The following RGS7 variants were observed in gnomAD, a reference collection of about 807,000 sequenced individuals.
RGS7 encodes the protein regulator of G protein signaling 7.
In RGS7, 27 loss-of-function variants were observed where a neutral mutation model predicts 81.1. That is an observed-to-expected ratio of 0.33 (90% CI 0.25 to 0.46). The LOEUF (loss-of-function observed/expected upper bound fraction) is 0.46, where lower values mean the gene tolerates loss of function less well. Among genes scored for constraint, RGS7 ranks in the 20% least tolerant of loss-of-function variants. The pLI, the probability that RGS7 is intolerant of heterozygous loss-of-function variation, is 1.00. For synonymous variants in RGS7, 208 were observed against 207.7 expected (o/e 1.00, Z -0.01); for missense variants, 396 against 607.4 (o/e 0.65, Z 3.66).
intron 6 of RGS7, among the ~76,000 whole-genome samples, chr1:240,905,542 C>T (rs1363069219): frequency 1.3e-5 from 2 of 152,180 alleles, no homozygotes; most frequent in East Asian, 3.9e-4. Context: ...AAGTCATTGA[C>T]ACAAGGTGTT....
intron 2 of RGS7, among the ~76,000 whole-genome samples, chr1:241,248,411 T>A (rs376946043): frequency 6.7e-6 from 1 of 148,194 alleles, no homozygotes; most frequent in African/African-American, 2.5e-5. Flanking sequence ...TATATATATA[T>A]ACATATATAT....
At chr1:240,857,516 T>TA (rs1389857172) in intron 9 of RGS7, among the ~76,000 whole-genome samples, 1 of 152,088 alleles carries the variant, frequency 6.6e-6, no homozygotes, top group African/African-American at 2.4e-5. Flanking sequence ...TTCACTGTCC[T>TA]AAAAATCTGT....
chr1:240,907,095 C>A (rs986682081), intron 6 of RGS7, among the ~76,000 whole-genome samples: 13 of 152,062 alleles, frequency 8.5e-5, no homozygotes, highest in Non-Finnish European at 4.4e-5. Flanking sequence ...CTCACCTTTA[C>A]CTGAAACTGT....
intron 3 of RGS7, among the ~76,000 whole-genome samples, chr1:241,070,805 T>C (rs1255824154): frequency 1.3e-5 from 2 of 152,032 alleles, no homozygotes; most frequent in African/African-American, 4.8e-5. Context: ...TCAAGTGCAA[T>C]GTGGGAGGCG....
intron 2 of RGS7, among the ~76,000 whole-genome samples, chr1:241,321,281 T>C (rs2081196013): frequency 1.3e-5 from 2 of 152,166 alleles, no homozygotes; most frequent in Admixed American, 6.5e-5. Context: ...TTTATTGCTC[T>C]TCCTATCTTC....
At chr1:241,272,194 C>A (rs1029881319) in intron 2 of RGS7, among the ~76,000 whole-genome samples, 1 of 151,922 alleles carries the variant, frequency 6.6e-6, no homozygotes, top group African/African-American at 2.4e-5. Context: ...GGGGTTTCAC[C>A]GTGTTAGCCA....
intron 3 of RGS7, among the ~76,000 whole-genome samples, chr1:241,044,790 T>C (rs1482596372): frequency 6.6e-6 from 1 of 152,210 alleles, no homozygotes; most frequent in African/African-American, 2.4e-5. Flanking sequence ...ATAAGCTTGA[T>C]ATTTATTTCG....
chr1:240,993,257 GAAAGAAAGAA>G (rs1445915621), intron 3 of RGS7, among the ~76,000 whole-genome samples: 2 of 150,730 alleles, frequency 1.3e-5, no homozygotes, highest in African/African-American at 2.4e-5. Context: ...AGGAAAGAAA[GAAAGAAAGAA>G]AAAGAAAGAA....
Position 240,968,904 on chromosome 1 carries a change from C to G in RGS7, c.226+14175G>C, listed in dbSNP as rs573596230. 4.9e-4 allele frequency among the ~76,000 whole-genome samples: 75 copies of G among 152,272 alleles called. 3 individuals are homozygous for G. Among genetic ancestry groups the G allele is most frequent in the African/African-American group, 1.7e-3 (70 of 41,544 alleles). On this transcript the variant is annotated intron_variant, in intron 4 of 18. Transcript: ENST00000440928. ...ATAGAATAAGCAGCATTGTTCTCAA[C>G]TGAAATACAGGAGGGGGAAAACCTA...
chr1:241,326,271 A>G (rs1236805313), intron 2 of RGS7, among the ~76,000 whole-genome samples: 1 of 152,210 alleles, frequency 6.6e-6, no homozygotes, highest in East Asian at 1.9e-4. Context: ...AGTGAGATGC[A>G]AAGGATGACC....
rs369612795 is a variant in RGS7 at position 241,042,571 on chromosome 1, A to G, written c.175+56095T>C. 6.4e-4 allele frequency among the ~76,000 whole-genome samples: 98 copies of G among 152,348 alleles called. 1 individual carries two copies. Among genetic ancestry groups the G allele is most frequent in the African/African-American group, 2.3e-3 (95 of 41,590 alleles). ...ATAATACATACAGAAAAAAAGGCAC[A>G]TAAAAGACCAGGAATAGCTTACTTT... On this transcript the variant is annotated intron_variant, in intron 3 of 18. Coordinates refer to ENST00000440928, the MANE Select transcript of RGS7 (RefSeq NM_001364886.1).
intron 3 of RGS7, among the ~76,000 whole-genome samples, chr1:241,038,224 T>C (rs1322749767): frequency 6.6e-6 from 1 of 152,222 alleles, no homozygotes; most frequent in African/African-American, 2.4e-5. Context: ...AGGAAAGAAT[T>C]GGCTACTTCT....
intron 15 of RGS7, among the ~76,000 whole-genome samples, chr1:240,804,915 G>A (rs1688596214): frequency 6.6e-6 from 1 of 152,204 alleles, no homozygotes; most frequent in South Asian, 2.1e-4. Context: ...TTTCTATAGA[G>A]AGTGGAAATA....
intron 2 of RGS7, among the ~76,000 whole-genome samples, chr1:241,235,635 TTC>T (rs1450031351): frequency 1.3e-4 from 11 of 83,170 alleles, no homozygotes; most frequent in Non-Finnish European, 2.7e-4. Flanking sequence ...TCTCTCTTTT[TTC>T]TTTTTTCTCA....
At chr1:240,848,703 C>G (rs902335074) in intron 9 of RGS7, among the ~76,000 whole-genome samples, 2 of 151,368 alleles carry the variant, frequency 1.3e-5, no homozygotes, top group Non-Finnish European at 2.9e-5. Context: ...TAAGATGCTC[C>G]TGAATAACAC....
intron 2 of RGS7, among the ~76,000 whole-genome samples, chr1:241,335,613 T>C (rs1276195373): frequency 6.6e-6 from 1 of 152,154 alleles, no homozygotes; most frequent in Non-Finnish European, 1.5e-5. Context: ...ATTTATCAAG[T>C]GATGTGTTAG....
At chr1:241,017,941 T>C (rs1051601912) in intron 3 of RGS7, among the ~76,000 whole-genome samples, 1 of 150,788 alleles carries the variant, frequency 6.6e-6, no homozygotes, top group Non-Finnish European at 1.5e-5. Flanking sequence ...GTTAGTCGGG[T>C]TCTGATGACT....
intron 9 of RGS7, among the ~76,000 whole-genome samples, chr1:240,842,301 C>T (rs1231470507): frequency 8.7e-5 from 13 of 150,080 alleles, no homozygotes; most frequent in South Asian, 6.3e-4. Context: ...CGGTTTCAAG[C>T]GATTCTCATG....
At chr1:241,277,695 T>C (rs1489755058) in intron 2 of RGS7, among the ~76,000 whole-genome samples, 1 of 151,930 alleles carries the variant, frequency 6.6e-6, no homozygotes, top group Non-Finnish European at 1.5e-5. Context: ...ATATTTTAGC[T>C]GTGACTTTTC....
Sources: gnomAD v4.1 joint callset for allele counts (sites outside exome capture counted in the v4.1 genomes callset) on GRCh38, gnomAD v4.1.1 for gene constraint, MANE v1.5 for transcripts, NCBI Gene and HGNC (gene_info 2026-07-23, HGNC 2026-07-21) for gene names.